Variants in ASTN2 observed in about 807,000 individuals in gnomAD.
ASTN2 encodes the protein astrotactin 2, also known as astrotactin-2.
In ASTN2, 54 loss-of-function variants were observed where a neutral mutation model predicts 139.8. The ratio of observed to expected loss-of-function variants is 0.39; its 90% CI spans 0.31 to 0.48. The LOEUF (loss-of-function observed/expected upper bound fraction) is 0.48. Ranked by LOEUF, ASTN2 falls within the 20% of genes least tolerant of loss-of-function variation. The probability of loss-of-function intolerance (pLI) is 0.95; values close to 1 mark genes in which losing one functional copy is unlikely to be tolerated. For synonymous variants in ASTN2, 756 were observed against 719.5 expected, an observed-to-expected ratio of 1.05 and a Z score of -0.81; for missense variants, 1,565 against 1,725.1, an observed-to-expected ratio of 0.91 and a Z score of 1.64.
At chr9:117,212,840 G>A (rs1020864902) in intron 3 of ASTN2, among the ~76,000 whole-genome samples, 1 of 152,182 alleles carries the variant, frequency 6.6e-6, no homozygotes, top group Non-Finnish European at 1.5e-5. Flanking sequence ...TCATGCGAAT[G>A]TAAACTAGTA....
Position 116,998,822 on chromosome 9 carries a change from TAGAA to T in ASTN2, c.1591+9266_1591+9269del, listed in dbSNP as rs1313694150. ...ACTTCAATATATATGCTCTACCACA[TAGAA>T]AGCCCTAAAGATACCACTTCCTTCA... On this transcript the variant is annotated intron_variant, in intron 7 of 22. Transcript: ENST00000313400. 3.9e-5 allele frequency among the ~76,000 whole-genome samples: 6 copies of T among 152,288 alleles called. No individual in the cohort carries two copies. In the East Asian group the frequency reaches 1.2e-3, roughly 29 times the overall value.
intron 3 of ASTN2, among the ~76,000 whole-genome samples, chr9:117,200,028 A>C (rs1397054695): frequency 6.6e-6 from 1 of 151,712 alleles, no homozygotes; most frequent in Non-Finnish European, 1.5e-5. Flanking sequence ...CAGTTCAAGA[A>C]GTTTTGGGGC....
intron 16 of ASTN2, among the ~76,000 whole-genome samples, chr9:116,681,317 G>A (rs1236531745): frequency 1.3e-5 from 2 of 152,132 alleles, no homozygotes; most frequent in African/African-American, 4.8e-5. Context: ...CAACTTACAA[G>A]GGACGTGAAG....
chr9:117,024,217 T>C (rs1837983424), intron 6 of ASTN2, among the ~76,000 whole-genome samples: 1 of 152,156 alleles, frequency 6.6e-6, no homozygotes. Context: ...CTTCTCTATC[T>C]TCTACCCAAC....
rs1847264677 is a variant in ASTN2 at position 116,424,929 on chromosome 9, C to T, written c.*922G>A. Among the ~76,000 whole-genome samples the T allele has an allele frequency of 6.6e-6, 1 of 152,060 alleles. No homozygotes were observed. The highest frequency in any genetic ancestry group is 2.4e-5 in the African/African-American group (1 of 41,422). On this transcript the variant is annotated 3_prime_UTR_variant, in exon 23 of 23. Transcript: ENST00000313400. ...TTTCACCTCTCTGTCTGGCTTATTT[C>T]TACTCATCCTTTGGGTTTAGGTATC...
intron 3 of ASTN2, among the ~76,000 whole-genome samples, chr9:117,185,066 T>C (rs1831163824): frequency 6.6e-6 from 1 of 152,156 alleles, no homozygotes; most frequent in African/African-American, 2.4e-5. Flanking sequence ...TACCCACATC[T>C]GCCCATTCCA....
chr9:117,294,259 A>G (rs1348805160), intron 1 of ASTN2, among the ~76,000 whole-genome samples: 7 of 152,252 alleles, frequency 4.6e-5, no homozygotes, highest in Admixed American at 3.3e-4. Context: ...CCAAAACTAG[A>G]TTGAGCTCTT....
At chr9:117,312,177 T>C (rs897636857) in intron 1 of ASTN2, among the ~76,000 whole-genome samples, 3 of 152,198 alleles carry the variant, frequency 2.0e-5, no homozygotes, top group Admixed American at 2.0e-4. Flanking sequence ...TTCTCTCTTG[T>C]TGCTAATATA....
chr9:117,143,812 G>C (rs940048167), intron 3 of ASTN2, among the ~76,000 whole-genome samples: 1 of 146,706 alleles, frequency 6.8e-6, no homozygotes, highest in Admixed American at 6.7e-5. Flanking sequence ...GAGAAAGAGA[G>C]AGAGAAAAAA....
At chr9:116,640,722 A>G (rs1201353404) in intron 17 of ASTN2, among the ~76,000 whole-genome samples, 1 of 152,252 alleles carries the variant, frequency 6.6e-6, no homozygotes, top group Admixed American at 6.5e-5. Flanking sequence ...TTTTATCTTA[A>G]GAGCAACTGG....
At chr9:117,016,806 ATATGTTT>A (rs554517088) in intron 6 of ASTN2, among the ~76,000 whole-genome samples, 28,924 of 128,692 alleles carry the variant, frequency 0.22, 3,745 homozygotes, top group Non-Finnish European at 0.28. Context: ...TAGGTTATAT[ATATGTTT>A]TATATATATA....
intron 1 of ASTN2, among the ~76,000 whole-genome samples, chr9:117,328,218 A>G (rs1274242798): frequency 6.6e-6 from 1 of 152,170 alleles, no homozygotes; most frequent in East Asian, 1.9e-4. Context: ...AAGGTCATCC[A>G]TGAAATTGAA....
intron 17 of ASTN2, among the ~76,000 whole-genome samples, chr9:116,624,856 T>C (rs1856360861): frequency 6.6e-6 from 1 of 151,770 alleles, no homozygotes; most frequent in African/African-American, 2.4e-5. Flanking sequence ...GAAAAGGCTT[T>C]CTAGAGAAAA....
At chr9:117,233,129 G>T (rs1832946270) in intron 2 of ASTN2, among the ~76,000 whole-genome samples, 1 of 152,114 alleles carries the variant, frequency 6.6e-6, no homozygotes, top group African/African-American at 2.4e-5. Context: ...CCAGGGCTCT[G>T]TGTCCTTCTG....
intron 3 of ASTN2, among the ~76,000 whole-genome samples, chr9:117,152,794 G>A (rs1830353239): frequency 6.6e-6 from 1 of 152,042 alleles, no homozygotes; most frequent in Admixed American, 6.6e-5. Context: ...AGAACTTGAA[G>A]TTCTCAGGTG....
At chr9:117,047,576 T>C (rs559793231) in intron 5 of ASTN2, among the ~76,000 whole-genome samples, 1 of 152,186 alleles carries the variant, frequency 6.6e-6, no homozygotes, top group African/African-American at 2.4e-5. Context: ...TATTCTCAGA[T>C]AGTTTAATGT....
rs3040241 is a variant in ASTN2, at chr9:116,446,272, T to TAG, written c.3498-3721_3498-3720dup. ...GGGGAGAGGGAGAGAGAGAGAGAGA[T>TAG]AGAGAGAGAGAGAGAGAGAGAGAGA... On this transcript the variant is annotated intron_variant, in intron 20 of 22. Transcript: ENST00000313400. 7.3e-3 allele frequency among the ~76,000 whole-genome samples: 866 copies of TAG among 119,076 alleles called. 9 individuals carry two copies. Among genetic ancestry groups the TAG allele is most frequent in the Middle Eastern group, 0.023 (5 of 222 alleles). 78.1% of individuals were successfully genotyped at this position (119,076 alleles called of 152,430 possible).
At chr9:116,980,603 C>T (rs1458042261) in intron 7 of ASTN2, among the ~76,000 whole-genome samples, 2 of 152,114 alleles carry the variant, frequency 1.3e-5, no homozygotes, top group South Asian at 2.1e-4. Flanking sequence ...CACCAAGACT[C>T]TGCTGTTTGC....
chr9:117,412,238 A>G (rs1831186176), intron 1 of ASTN2, among the ~76,000 whole-genome samples: 1 of 152,058 alleles, frequency 6.6e-6, no homozygotes. Flanking sequence ...TAGGGGGAAA[A>G]GGAGGAGGCA....
Sources: allele counts gnomAD v4.1 joint callset (sites outside exome capture counted in the v4.1 genomes callset), GRCh38; gene constraint gnomAD v4.1.1; transcripts MANE v1.5; gene names NCBI Gene and HGNC (gene_info 2026-07-23, HGNC 2026-07-21).